Variants in CHST11 observed in about 807,000 individuals in gnomAD.
CHST11 encodes the protein carbohydrate sulfotransferase 11.
CHST11 carries 9 observed loss-of-function variants against 30.4 expected under a neutral mutation model. The ratio of observed to expected loss-of-function variants is 0.30; its 90% CI spans 0.18 to 0.52. CHST11 has a LOEUF of 0.52. Among genes scored for constraint, CHST11 ranks in the 20% least tolerant of loss-of-function variants. The pLI is 0.97. For missense variants in CHST11, 348 were observed against 460.6 expected, an observed-to-expected ratio of 0.76 and a Z score of 2.24; for synonymous variants, 152 against 187.8, an observed-to-expected ratio of 0.81 and a Z score of 1.56.
chr12:104,630,936 A>C (rs2039264126), intron 2 of CHST11, among the ~76,000 whole-genome samples: 1 of 152,196 alleles, frequency 6.6e-6, no homozygotes, highest in South Asian at 2.1e-4. Flanking sequence ...CAGTTGGTTC[A>C]GTTTAAGAAT....
chr12:104,682,321 C>T (rs1418250405), intron 2 of CHST11, among the ~76,000 whole-genome samples: 1 of 152,186 alleles, frequency 6.6e-6, no homozygotes, highest in Admixed American at 6.5e-5. Flanking sequence ...TGCATCTGAG[C>T]ATGCCGTTGA....
chr12:104,605,954 C>G (rs1328198289), intron 2 of CHST11, among the ~76,000 whole-genome samples: 1 of 152,092 alleles, frequency 6.6e-6, no homozygotes, highest in Non-Finnish European at 1.5e-5. Context: ...GTGGTTCAGC[C>G]CTGCCCTGCT....
At chr12:104,752,005 T>A (rs1383454438) in intron 2 of CHST11, among the ~76,000 whole-genome samples, 2 of 152,350 alleles carry the variant, frequency 1.3e-5, no homozygotes, top group African/African-American at 2.4e-5. Context: ...TGACCTCCTC[T>A]TTTAGGTTCC....
intron 1 of CHST11, among the ~76,000 whole-genome samples, chr12:104,559,760 TA>T (rs1356706253): frequency 6.6e-6 from 1 of 151,788 alleles, no homozygotes; most frequent in Non-Finnish European, 1.5e-5. Context: ...ATAAAATAAA[TA>T]AAATAAAATA....
chr12:104,526,744 AC>A (rs1434021058), intron 1 of CHST11, among the ~76,000 whole-genome samples: 4 of 151,446 alleles, frequency 2.6e-5, no homozygotes, highest in African/African-American at 4.9e-5. Flanking sequence ...GGTTCCGAGA[AC>A]CCTGGCAGGT....
chr12:104,665,307 G>A (rs903103505), intron 2 of CHST11, among the ~76,000 whole-genome samples: 15 of 152,184 alleles, frequency 9.9e-5, no homozygotes, highest in African/African-American at 3.6e-4. Context: ...CAGGATTTGA[G>A]GGGAAACAGA....
At chr12:104,657,279 C>T (rs1430290148) in intron 2 of CHST11, among the ~76,000 whole-genome samples, 1 of 152,248 alleles carries the variant, frequency 6.6e-6, no homozygotes, top group Non-Finnish European at 1.5e-5. Context: ...GTTTTCACAT[C>T]CTTCACCCTA....
intron 2 of CHST11, among the ~76,000 whole-genome samples, chr12:104,617,595 A>G (rs2039120614): frequency 6.6e-6 from 1 of 152,154 alleles, no homozygotes; most frequent in Admixed American, 6.5e-5. Flanking sequence ...CTAGGTTTCA[A>G]CTTCTAGGTT....
intron 2 of CHST11, among the ~76,000 whole-genome samples, chr12:104,608,435 A>G (rs1415076156): frequency 6.6e-6 from 1 of 152,136 alleles, no homozygotes; most frequent in Non-Finnish European, 1.5e-5. Context: ...AAACCTTGGC[A>G]CTATCAGTCC....
At chr12:104,544,841 G>A (rs936945700) in intron 1 of CHST11, among the ~76,000 whole-genome samples, 7 of 138,460 alleles carry the variant, frequency 5.1e-5, no homozygotes, top group South Asian at 4.5e-4. Flanking sequence ...AGTCATTTTC[G>A]CTTCCCTCTG....
rs1385067457 is a variant in CHST11 at position 104,759,334 on chromosome 12, A to G, written c.*1531A>G. The G allele has an allele frequency of 1.3e-5, 2 of 152,122 alleles. No homozygotes were observed. The highest frequency in any genetic ancestry group is 4.8e-5 in the African/African-American group (2 of 41,410). 9.4% of individuals were successfully genotyped at this position (152,122 alleles called of 1,614,324 possible). On this transcript the variant is annotated 3_prime_UTR_variant, in exon 3 of 3. Transcript: ENST00000303694. ...CATTTCCTGTTCCTTGCTAATTAAC[A>G]TCTAAACATGCTTCTCATTTCCAGC...
intron 2 of CHST11, among the ~76,000 whole-genome samples, chr12:104,747,860 G>T (rs112509603): frequency 5.9e-4 from 90 of 152,164 alleles, no homozygotes; most frequent in African/African-American, 2.1e-3. Context: ...TTGGGTTCTT[G>T]TGTCTGAGGG....
At chr12:104,706,366 A>C (rs113944524) in intron 2 of CHST11, among the ~76,000 whole-genome samples, 8,045 of 146,578 alleles carry the variant, frequency 0.055, 288 homozygotes, top group Middle Eastern at 0.12. Context: ...CCTGGGCAAC[A>C]GAATGAGACT....
chr12:104,702,516 G>T (rs2039997463), intron 2 of CHST11, among the ~76,000 whole-genome samples: 1 of 151,904 alleles, frequency 6.6e-6, no homozygotes. Context: ...TCCTCACGGT[G>T]GTCCTGAACC....
At chr12:104,653,739 A>G (rs2039516430) in intron 2 of CHST11, among the ~76,000 whole-genome samples, 2 of 152,166 alleles carry the variant, frequency 1.3e-5, no homozygotes, top group Non-Finnish European at 2.9e-5. Flanking sequence ...CTTCTCCATC[A>G]ACTTAACATT....
At chr12:104,745,844 A>T (rs1288883079) in intron 2 of CHST11, among the ~76,000 whole-genome samples, 1 of 152,216 alleles carries the variant, frequency 6.6e-6, no homozygotes, top group Non-Finnish European at 1.5e-5. Flanking sequence ...TTGGGCTCAG[A>T]CAACAGGGTT....
intron 1 of CHST11, among the ~76,000 whole-genome samples, chr12:104,479,371 A>G (rs2037596078): frequency 1.3e-5 from 2 of 151,954 alleles, no homozygotes; most frequent in South Asian, 4.1e-4. Context: ...TTTCCACAAA[A>G]GTTCTGGAAT....
At chr12:104,728,448 T>TAAA (rs35256981) in intron 2 of CHST11, among the ~76,000 whole-genome samples, 1 of 145,108 alleles carries the variant, frequency 6.9e-6, no homozygotes, top group Non-Finnish European at 1.5e-5. Context: ...AACTCTTCCT[T>TAAA]AAAAAAAAAC....
At chr12:104,510,638 CTGTT>C (rs1395505413) in intron 1 of CHST11, among the ~76,000 whole-genome samples, 1 of 152,202 alleles carries the variant, frequency 6.6e-6, no homozygotes, top group African/African-American at 2.4e-5. Context: ...TGTGGAAACA[CTGTT>C]TGTACAGCAT....
Sources: allele counts gnomAD v4.1 joint callset (sites outside exome capture counted in the v4.1 genomes callset), GRCh38; gene constraint gnomAD v4.1.1; transcripts MANE v1.5; gene names NCBI Gene and HGNC (gene_info 2026-07-23, HGNC 2026-07-21).